PARD3B: variants seen among roughly 807,000 people sequenced by gnomAD.
PARD3B encodes the protein partitioning defective 3 homolog B.
PARD3B carries 103 observed loss-of-function variants against 130.2 expected under a neutral mutation model. That is an observed-to-expected ratio of 0.79 (90% CI 0.67 to 0.93). The LOEUF is 0.93. PARD3B is among the 40% of genes least tolerant of loss of function. The probability of loss-of-function intolerance (pLI) is 0.00; values close to 1 mark genes in which losing one functional copy is unlikely to be tolerated. For synonymous variants in PARD3B, 583 were observed against 553.2 expected (o/e 1.05, Z -0.76); for missense variants, 1,609 against 1,499.2 (o/e 1.07, Z -1.21).
rs140062321 is a variant in PARD3B at position 205,032,490 on chromosome 2, G to A, written c.395-15091G>A. Among the ~76,000 whole-genome samples the A allele has an allele frequency of 3.0e-3, 452 of 152,232 alleles. 2 individuals carry two copies. Among genetic ancestry groups the A allele is most frequent in the Non-Finnish European group, 5.4e-3 (365 of 68,014 alleles). On this transcript the variant is annotated intron_variant, in intron 3 of 22. Transcript: ENST00000406610. ...CAGGAGCAGATATGGGTCAAATGAGGTCTCAAACCACAGTTGGAAATGTTG... is the reference window on the plus strand; with the variant it reads ...CAGGAGCAGATATGGGTCAAATGAGATCTCAAACCACAGTTGGAAATGTTG...
chr2:205,050,976 A>G (rs1233293551), intron 4 of PARD3B, among the ~76,000 whole-genome samples: 1 of 152,134 alleles, frequency 6.6e-6, no homozygotes. Context: ...AGAGGTGTCC[A>G]TGTATGGATG....
intron 20 of PARD3B, among the ~76,000 whole-genome samples, chr2:205,495,738 G>GT (rs2049900113): frequency 6.6e-6 from 1 of 152,296 alleles, no homozygotes; most frequent in South Asian, 2.1e-4. Context: ...TGAGATGAAG[G>GT]AAGGGAAGTA....
chr2:205,467,647 A>C (rs1378331621), intron 20 of PARD3B, among the ~76,000 whole-genome samples: 1 of 152,164 alleles, frequency 6.6e-6, no homozygotes, highest in Non-Finnish European at 1.5e-5. Context: ...TGGACTAGCC[A>C]CAATTTTGAG....
chr2:205,520,117 A>G (rs1343120667), intron 21 of PARD3B, among the ~76,000 whole-genome samples: 1 of 152,112 alleles, frequency 6.6e-6, no homozygotes, highest in Non-Finnish European at 1.5e-5. Context: ...GAGGCAAAAA[A>G]GGAAGGGACC....
intron 3 of PARD3B, among the ~76,000 whole-genome samples, chr2:205,031,113 T>C (rs1018103821): frequency 2.0e-5 from 3 of 152,152 alleles, no homozygotes; most frequent in African/African-American, 4.8e-5. Flanking sequence ...ACTAGAAAGA[T>C]ACACATCACA....
intron 2 of PARD3B, among the ~76,000 whole-genome samples, chr2:204,949,248 G>A (rs1689572792): frequency 6.6e-6 from 1 of 152,022 alleles, no homozygotes; most frequent in Non-Finnish European, 1.5e-5. Flanking sequence ...GTTCTAATTG[G>A]TATCTTTTTT....
At chr2:204,916,696 AATTT>A (rs2047459096) in intron 2 of PARD3B, among the ~76,000 whole-genome samples, 1 of 152,090 alleles carries the variant, frequency 6.6e-6, no homozygotes, top group Non-Finnish European at 1.5e-5. Flanking sequence ...AATTAGAACT[AATTT>A]ATCCATTTGT....
chr2:205,233,760 C>G (rs1413870624), intron 15 of PARD3B, among the ~76,000 whole-genome samples: 2 of 152,208 alleles, frequency 1.3e-5, no homozygotes, highest in East Asian at 3.9e-4. Context: ...TACAGTTGGG[C>G]AAAATCATCT....
At chr2:204,915,099 T>C (rs2047393913) in intron 2 of PARD3B, among the ~76,000 whole-genome samples, 1 of 152,144 alleles carries the variant, frequency 6.6e-6, no homozygotes, top group Non-Finnish European at 1.5e-5. Context: ...ACTGTACCTC[T>C]AAGAGGATGG....
intron 20 of PARD3B, among the ~76,000 whole-genome samples, chr2:205,456,231 A>G (rs1285677627): frequency 2.0e-5 from 3 of 152,058 alleles, no homozygotes; most frequent in East Asian, 1.9e-4. Context: ...TAATCATGCT[A>G]TGGATGTACC....
intron 20 of PARD3B, among the ~76,000 whole-genome samples, chr2:205,493,159 T>G (rs2049786215): frequency 6.6e-6 from 1 of 152,024 alleles, no homozygotes; most frequent in Non-Finnish European, 1.5e-5. Flanking sequence ...TTATTGAGAG[T>G]GTGAATGCCA....
chr2:204,840,552 G>A (rs2044222577), intron 2 of PARD3B, among the ~76,000 whole-genome samples: 1 of 150,836 alleles, frequency 6.6e-6, no homozygotes, highest in Admixed American at 6.6e-5. Flanking sequence ...TTTAACTATG[G>A]TCCTTAGACA....
Position 205,015,206 on chromosome 2 carries a change from G to A in PARD3B, c.395-32375G>A, listed in dbSNP as rs1396305059. ...TATTCTTACAATAAAGTAAGCTAGA[G>A]GAAAGAAAAAATTATCAAGGAAATC... On this transcript the variant is annotated intron_variant, in intron 3 of 22. Coordinates refer to ENST00000406610, the MANE Select transcript of PARD3B (RefSeq NM_001302769.2). This position sits in a 1 kb window ranked among gnomAD's most constrained non-coding sequence, Gnocchi z 4.5. Among the ~76,000 whole-genome samples, 1 of 151,900 alleles carries A rather than the reference G, an allele frequency of 6.6e-6. No individual in the cohort carries two copies. The highest frequency in any genetic ancestry group is 6.6e-5 in the Admixed American group (1 of 15,252).
At position 205,300,957 on chromosome 2, in the gene PARD3B, A is replaced by G. The variant is rs1330947389; in HGVS notation, c.2392+221A>G. On this transcript the variant is annotated intron_variant, in intron 17 of 22. Transcript: ENST00000406610. This position sits in a 1 kb window ranked among gnomAD's most constrained non-coding sequence, Gnocchi z 4.1. The stretch of plus-strand genomic sequence containing the variant: ...AATTTATTTTACAGTGCAAGGCTAA[A>G]TAAATGTTCTCCTTCACTTTTCTAC... 6.6e-6 allele frequency among the ~76,000 whole-genome samples: 1 copy of G among 152,270 alleles called. No homozygotes were observed. Among genetic ancestry groups the G allele is most frequent in the Non-Finnish European group, 1.5e-5 (1 of 68,050 alleles).
chr2:205,547,838 C>CCTAA (rs1399533460), intron 21 of PARD3B, among the ~76,000 whole-genome samples: 1 of 152,108 alleles, frequency 6.6e-6, no homozygotes, highest in African/African-American at 2.4e-5. Context: ...AATGTTATGG[C>CCTAA]CTAACTTAAA....
At chr2:205,494,266 C>T (rs2049843261) in intron 20 of PARD3B, among the ~76,000 whole-genome samples, 1 of 152,204 alleles carries the variant, frequency 6.6e-6, no homozygotes, top group African/African-American at 2.4e-5. Context: ...CATATATTTA[C>T]ATAGATGCCC....
chr2:205,468,759 T>A (rs1452700245), intron 20 of PARD3B, among the ~76,000 whole-genome samples: 1 of 152,196 alleles, frequency 6.6e-6, no homozygotes. Context: ...TCCATTGTGC[T>A]TTCCCTCTGG....
chr2:205,294,583 C>T (rs1453269552), intron 16 of PARD3B, among the ~76,000 whole-genome samples: 1 of 152,130 alleles, frequency 6.6e-6, no homozygotes, highest in African/African-American at 2.4e-5. Flanking sequence ...TATTTGTTCA[C>T]ATAATCTTCC....
In PARD3B at chr2:205,003,794, A is replaced by G. The variant is rs535811903; in HGVS notation, c.394+38471A>G. Among the ~76,000 whole-genome samples the G allele has an allele frequency of 3.9e-5, 6 of 152,340 alleles. No homozygotes were observed. The South Asian group carries it at 1.2e-3, about 32-fold the overall frequency. On this transcript the variant is annotated intron_variant, in intron 3 of 22. Coordinates refer to ENST00000406610, the MANE Select transcript of PARD3B (RefSeq NM_001302769.2). Reference sequence around the variant, plus strand: ...ACAATAAATATTTGTGGAATAATGGACAGATTCTTGAGAGAATGGCAAACT... The same window carrying G: ...ACAATAAATATTTGTGGAATAATGGGCAGATTCTTGAGAGAATGGCAAACT...
Sources: gnomAD v4.1 joint callset for allele counts (sites outside exome capture counted in the v4.1 genomes callset) on GRCh38, gnomAD v4.1.1 for gene constraint, Gnocchi (gnomAD v3.1) non-coding constraint, MANE v1.5 for transcripts, NCBI Gene and HGNC (gene_info 2026-07-23, HGNC 2026-07-21) for gene names.